The following VPS53 variants were observed in gnomAD, a reference collection of about 807,000 sequenced individuals.
VPS53 encodes the protein VPS53 subunit of GARP complex.
VPS53 carries 70 observed loss-of-function variants against 107.0 expected under a neutral mutation model. The observed-to-expected ratio is 0.65, with a 90% CI of 0.54 to 0.80. The LOEUF is 0.80. Among genes scored for constraint, VPS53 ranks in the 30% least tolerant of loss-of-function variants. The pLI, the probability that VPS53 is intolerant of heterozygous loss-of-function variation, is 0.00. For synonymous variants in VPS53, 409 were observed against 393.3 expected (o/e 1.04, Z -0.47); for missense variants, 917 against 1,049.4 (o/e 0.87, Z 1.74).
At chr17:531,833 G>A (rs1393491930) in intron 19 of VPS53, 1 of 138,762 alleles carries the variant, frequency 7.2e-6, no homozygotes, top group Non-Finnish European at 1.5e-5. Context: ...CTGGAGAGCA[G>A]TGGCGTGATC....
At chr17:687,838 G>A (rs385894) in intron 4 of VPS53, among the ~76,000 whole-genome samples, 91,644 of 152,066 alleles carry the variant, frequency 0.6, 30,319 homozygotes, top group Non-Finnish European at 0.75. Flanking sequence ...GTCACAGATG[G>A]AAAGTTAAAT....
In VPS53 at chr17:519,213, C is replaced by T; in HGVS notation, c.2414G>A (p.Gly805Asp). The T allele has an allele frequency of 6.5e-7, 1 of 1,549,532 alleles. No individual in the cohort carries two copies. The highest frequency in any genetic ancestry group is 2.5e-5 in the East Asian group (1 of 40,804). ...TGTTGGCGCCGTCAGGGACAGTGAG[C>T]CGGAGCTTTCTGCCCCCGAGGGCGG... ...PAPPSGAESS[G>D]SLSLTAPTPE... is the part of the protein sequence containing the mutation. Residue 805 changes from glycine to aspartate, a missense_variant, in exon 22 of 22, where the codon GGC (glycine) becomes GAC (aspartate). By Grantham distance (94) the Gly-to-Asp change is moderately conservative. Coordinates refer to ENST00000437048, the MANE Select transcript of VPS53 (RefSeq NM_001128159.3). This position sits in a 1 kb window ranked among gnomAD's most constrained non-coding sequence, Gnocchi z 5.0.
intron 4 of VPS53, among the ~76,000 whole-genome samples, chr17:687,476 TGAGGCAGGGGAATTGCTTGAACCCAG>T (rs1972627903): frequency 6.7e-6 from 1 of 150,200 alleles, no homozygotes; most frequent in African/African-American, 2.5e-5. Flanking sequence ...CTCAGGAGGC[TGAGGCAGGGGAATTGCTTGAACCCAG>T]GAGGCAGAAG....
intron 7 of VPS53, among the ~76,000 whole-genome samples, chr17:648,424 G>A (rs1970790906): frequency 1.3e-5 from 2 of 152,090 alleles, no homozygotes; most frequent in Admixed American, 6.6e-5. Flanking sequence ...GGTGGTGGGC[G>A]CCTGTAGTCC....
At chr17:558,662 A>C (rs1037681516) in intron 15 of VPS53, among the ~76,000 whole-genome samples, 26 of 150,530 alleles carry the variant, frequency 1.7e-4, no homozygotes, top group African/African-American at 5.9e-4. Flanking sequence ...GAAGCACTAT[A>C]AACAACGATC....
At chr17:591,117 G>A (rs1967622357) in intron 12 of VPS53, among the ~76,000 whole-genome samples, 1 of 152,102 alleles carries the variant, frequency 6.6e-6, no homozygotes, top group Admixed American at 6.5e-5. Flanking sequence ...GAGAGTGTAT[G>A]TGTCGAGGAA....
chr17:690,919 A>C (rs1019476564), intron 4 of VPS53, among the ~76,000 whole-genome samples: 2 of 152,134 alleles, frequency 1.3e-5, no homozygotes, highest in Non-Finnish European at 2.9e-5. Flanking sequence ...GACATACAAA[A>C]ATTTACAGTT....
At chr17:678,906 CG>C (rs1567733776) in intron 4 of VPS53, among the ~76,000 whole-genome samples, 2 of 144,918 alleles carry the variant, frequency 1.4e-5, no homozygotes, top group Non-Finnish European at 3.0e-5. Flanking sequence ...CCCAAAGTGC[CG>C]GGATGACAGG....
At chr17:651,718 A>G (rs1970956473) in intron 7 of VPS53, among the ~76,000 whole-genome samples, 2 of 152,230 alleles carry the variant, frequency 1.3e-5, no homozygotes, top group South Asian at 2.1e-4. Flanking sequence ...CTGCTCAGTA[A>G]CAACGCCTTC....
chr17:549,971 A>G (rs1419748216), intron 17 of VPS53, among the ~76,000 whole-genome samples: 2 of 152,220 alleles, frequency 1.3e-5, no homozygotes, highest in African/African-American at 4.8e-5. Flanking sequence ...AATATTTACA[A>G]TCTACTGCAA....
intron 18 of VPS53, among the ~76,000 whole-genome samples, chr17:536,105 G>A (rs1253802905): frequency 3.9e-5 from 6 of 152,176 alleles, no homozygotes; most frequent in Non-Finnish European, 8.8e-5. Flanking sequence ...AAGCCAGATG[G>A]TGATCGGCAA....
intron 13 of VPS53, among the ~76,000 whole-genome samples, chr17:576,853 T>C (rs920964650): frequency 6.9e-6 from 1 of 145,422 alleles, no homozygotes; most frequent in Non-Finnish European, 1.5e-5. Context: ...CTCAGTGCAT[T>C]CCCAGAGAAC....
intron 7 of VPS53, among the ~76,000 whole-genome samples, chr17:651,761 T>C (rs1370699958): frequency 6.6e-6 from 1 of 152,194 alleles, no homozygotes; most frequent in East Asian, 1.9e-4. Flanking sequence ...GGTTAGAATT[T>C]GTCAATTGTG....
intron 11 of VPS53, among the ~76,000 whole-genome samples, chr17:613,970 A>G (rs1969021438): frequency 6.6e-6 from 1 of 152,258 alleles, no homozygotes; most frequent in South Asian, 2.1e-4. Context: ...CACACACCTC[A>G]TCATGGGTAA....
chr17:700,839 T>C (rs1323359983), intron 2 of VPS53, among the ~76,000 whole-genome samples: 1 of 152,204 alleles, frequency 6.6e-6, no homozygotes, highest in African/African-American at 2.4e-5. Context: ...GTAGGAAATA[T>C]GCTTATAAAT....
chr17:553,574 CTTTTTT>C (rs35437010), intron 15 of VPS53, 112 bp from the exon 16 acceptor site: 33 of 553,382 alleles, frequency 6.0e-5, no homozygotes, highest in African/African-American at 1.3e-4. Flanking sequence ...ATTCCATACA[CTTTTTT>C]TTTTTTTTTT....
At chr17:647,657 G>C (rs918228371) in intron 7 of VPS53, among the ~76,000 whole-genome samples, 1 of 152,150 alleles carries the variant, frequency 6.6e-6, no homozygotes, top group African/African-American at 2.4e-5. Context: ...TGATCAGCTG[G>C]CTCTAGGTGT....
chr17:611,229 G>C (rs907494695), intron 11 of VPS53, among the ~76,000 whole-genome samples: 4 of 152,068 alleles, frequency 2.6e-5, no homozygotes, highest in African/African-American at 4.8e-5. Flanking sequence ...GGCCAGGCTG[G>C]TCTTGAACTC....
intron 13 of VPS53, among the ~76,000 whole-genome samples, chr17:574,202 G>A (rs2151869704): frequency 6.6e-6 from 1 of 152,276 alleles, no homozygotes; most frequent in East Asian, 1.9e-4. Flanking sequence ...CGCAGTATCT[G>A]CTCCTTCCTT....
Sources: allele counts gnomAD v4.1 joint callset (sites outside exome capture counted in the v4.1 genomes callset), GRCh38; gene constraint gnomAD v4.1.1; non-coding constraint Gnocchi (gnomAD v3.1); transcripts MANE v1.5; gene names NCBI Gene and HGNC (gene_info 2026-07-23, HGNC 2026-07-21).